PTPRO: variants seen among roughly 807,000 people sequenced by gnomAD.
PTPRO encodes receptor-type tyrosine-protein phosphatase O.
In PTPRO, 62 loss-of-function variants were observed where a neutral mutation model predicts 145.2. That is an observed-to-expected ratio of 0.43 (90% confidence interval 0.35 to 0.53). PTPRO has a LOEUF of 0.53. Among genes scored for constraint, PTPRO ranks in the 20% least tolerant of loss-of-function variants. The pLI, the probability that PTPRO is intolerant of heterozygous loss-of-function variation, is 0.01. For missense variants in PTPRO, 1,345 were observed against 1,482.7 expected, an observed-to-expected ratio of 0.91 and a Z score of 1.53; for synonymous variants, 565 against 514.7, an observed-to-expected ratio of 1.10 and a Z score of -1.32.
chr12:15,592,973 T>C (rs2135678572), intron 25 of PTPRO, among the ~76,000 whole-genome samples: 1 of 152,310 alleles, frequency 6.6e-6, no homozygotes, highest in South Asian at 2.1e-4. Flanking sequence ...TAAATAGTCT[T>C]TATTTACTTT....
intron 9 of PTPRO, among the ~76,000 whole-genome samples, chr12:15,517,264 C>T (rs1256987360): frequency 6.6e-6 from 1 of 152,092 alleles, no homozygotes; most frequent in Non-Finnish European, 1.5e-5. Context: ...TAGGAAAACT[C>T]CCTCTTATAA....
intron 7 of PTPRO, 57 bp from the exon 8 acceptor site, chr12:15,515,441 G>T: frequency 6.2e-7 from 1 of 1,601,224 alleles, no homozygotes; most frequent in Non-Finnish European, 8.6e-7. Context: ...ACCAGCCTCT[G>T]TGTAACATTC....
chr12:15,419,694 C>T (rs1316339737), intron 1 of PTPRO, among the ~76,000 whole-genome samples: 1 of 150,478 alleles, frequency 6.6e-6, no homozygotes, highest in Admixed American at 6.6e-5. Context: ...ACTGTGTACA[C>T]GAGATACAGC....
intron 1 of PTPRO, among the ~76,000 whole-genome samples, chr12:15,444,271 G>A (rs1481392351): frequency 6.6e-6 from 1 of 151,988 alleles, no homozygotes; most frequent in Non-Finnish European, 1.5e-5. Flanking sequence ...CTTATAAGTG[G>A]CAGATAAACA....
At chr12:15,586,248 A>T (rs1305044480) in intron 23 of PTPRO, among the ~76,000 whole-genome samples, 2 of 152,228 alleles carry the variant, frequency 1.3e-5, no homozygotes, top group Middle Eastern at 3.2e-3. Context: ...CAAGGGAAGC[A>T]GATTGACAGA....
chr12:15,397,801 A>C (rs1258199212), intron 1 of PTPRO, among the ~76,000 whole-genome samples: 5 of 152,130 alleles, frequency 3.3e-5, no homozygotes, highest in Non-Finnish European at 7.4e-5. Flanking sequence ...TAAATGCATA[A>C]ATAAGTCTCT....
chr12:15,565,354 C>A, intron 17 of PTPRO: 1 of 330,812 alleles, frequency 3.0e-6, no homozygotes, highest in Non-Finnish European at 5.6e-6. Flanking sequence ...CAGTTTTTGG[C>A]AAATGGGAAG....
intron 8 of PTPRO, among the ~76,000 whole-genome samples, chr12:15,516,031 C>T (rs2136503214): frequency 7.4e-6 from 1 of 134,416 alleles, no homozygotes; most frequent in East Asian, 2.4e-4. Flanking sequence ...CGCTCTGTCA[C>T]CCAGGTTGGA....
intron 12 of PTPRO, among the ~76,000 whole-genome samples, chr12:15,527,915 C>T (rs1178668580): frequency 8.2e-5 from 10 of 121,778 alleles, no homozygotes; most frequent in Admixed American, 6.9e-4. Context: ...AGCAAAAATC[C>T]AATGACTGAC....
chr12:15,442,690 A>G (rs1434184645), intron 1 of PTPRO, among the ~76,000 whole-genome samples: 2 of 152,176 alleles, frequency 1.3e-5, no homozygotes, highest in Admixed American at 1.3e-4. Flanking sequence ...GCAGTTTTAT[A>G]CACCAATAGC....
intron 1 of PTPRO, among the ~76,000 whole-genome samples, chr12:15,331,525 A>C (rs1218971407): frequency 6.6e-6 from 1 of 152,204 alleles, no homozygotes; most frequent in Non-Finnish European, 1.5e-5. Flanking sequence ...TCTTAGAATT[A>C]TTGTCAGGAA....
intron 1 of PTPRO, among the ~76,000 whole-genome samples, chr12:15,446,997 A>C (rs921004201): frequency 6.6e-6 from 1 of 152,106 alleles, no homozygotes; most frequent in South Asian, 2.1e-4. Flanking sequence ...TCCTCCCTGC[A>C]TGTTAGCACA....
At chr12:15,342,797 T>A (rs1257205734) in intron 1 of PTPRO, among the ~76,000 whole-genome samples, 2 of 152,244 alleles carry the variant, frequency 1.3e-5, no homozygotes, top group East Asian at 3.9e-4. Flanking sequence ...TTTCTTAGTA[T>A]GTCAAGCTGT....
chr12:15,465,984 C>T (rs1941406449), intron 1 of PTPRO, among the ~76,000 whole-genome samples: 1 of 152,056 alleles, frequency 6.6e-6, no homozygotes, highest in South Asian at 2.1e-4. Context: ...AGAATGCACC[C>T]AGCTATGTTA....
chr12:15,502,564 A>G (rs1555170356), intron 5 of PTPRO, among the ~76,000 whole-genome samples: 2 of 152,192 alleles, frequency 1.3e-5, no homozygotes, highest in Non-Finnish European at 2.9e-5. Flanking sequence ...GCCCCTCTAG[A>G]AAAAGCACCA....
At chr12:15,419,002 A>G (rs1457184574) in intron 1 of PTPRO, among the ~76,000 whole-genome samples, 1 of 151,714 alleles carries the variant, frequency 6.6e-6, no homozygotes, top group Non-Finnish European at 1.5e-5. Context: ...CACATTTTCT[A>G]CAATGTAAAA....
intron 2 of PTPRO, among the ~76,000 whole-genome samples, chr12:15,495,327 C>T (rs1942077961): frequency 6.7e-6 from 1 of 149,548 alleles, no homozygotes; most frequent in Non-Finnish European, 1.5e-5. Flanking sequence ...AAGTCAAAAA[C>T]AAAGATAGAT....
At chr12:15,389,339 C>CCT (rs1939124728) in intron 1 of PTPRO, among the ~76,000 whole-genome samples, 1 of 151,992 alleles carries the variant, frequency 6.6e-6, no homozygotes. Flanking sequence ...GATCTCCTTA[C>CCT]CTCATGATCC....
rs1565675823 is a variant in PTPRO at position 15,513,185 on chromosome 12, GAAAGAAAGAAAGAAAGAAAGAA to G, written c.1465-2311_1465-2290del. ...AGAAAGAAAGAAAGAAAGAAAGAAA[GAAAGAAAGAAAGAAAGAAAGAA>G]AGAAAGAAAGAAAGAAAGAAAAGAA... On this transcript the variant is annotated intron_variant, in intron 7 of 26. Transcript: ENST00000281171. 2.5e-3 allele frequency among the ~76,000 whole-genome samples: 231 copies of G among 92,730 alleles called. 14 individuals carry two copies. The highest frequency in any genetic ancestry group is 9.0e-3 in the African/African-American group (185 of 20,636). The allele number at this position is 92,730 out of a possible 152,430, so 60.8% of individuals were successfully genotyped here. A position where few individuals can be genotyped will look rare whatever the true frequency, so the allele number is the denominator to read the frequency against.
Sources: gnomAD v4.1 joint callset for allele counts (sites outside exome capture counted in the v4.1 genomes callset) on GRCh38, gnomAD v4.1.1 for gene constraint, MANE v1.5 for transcripts, NCBI Gene and HGNC (gene_info 2026-07-23, HGNC 2026-07-21) for gene names.